The following TH variants were observed in gnomAD, a reference collection of about 807,000 sequenced individuals.
TH encodes the protein tyrosine 3-monooxygenase.
In TH, 49 loss-of-function variants were observed where a neutral mutation model predicts 57.4. The observed-to-expected ratio is 0.85, with a 90% CI of 0.68 to 1.08. The LOEUF (loss-of-function observed/expected upper bound fraction) is 1.08, where lower values mean the gene tolerates loss of function less well. Among genes scored for constraint, TH ranks in the 50% least tolerant of loss-of-function variants. The pLI is 0.00. For missense variants in TH, 720 were observed against 696.7 expected (o/e 1.03, Z -0.38); for synonymous variants, 330 against 304.5 (o/e 1.08, Z -0.87).
Position 2,171,458 on chromosome 11 carries a change from C to T in TH, c.90+239G>A, listed in dbSNP as rs147752591. 7.2e-5 allele frequency among the ~76,000 whole-genome samples: 11 copies of T among 152,090 alleles called. No individual in the cohort carries two copies. Among genetic ancestry groups the T allele is most frequent in the African/African-American group, 1.2e-4 (5 of 41,484 alleles). On this transcript the variant is annotated intron_variant, in intron 1 of 12. Transcript: ENST00000352909. This position sits in a 1 kb window ranked among gnomAD's most constrained non-coding sequence, Gnocchi z 8.6. ...GACCCACACGACCCCCGAGAGAGGT[C>T]GGCCTAAGAGGGGCACACACAGGGA...
Position 2,171,257 on chromosome 11 carries a change from C to T in TH, c.90+440G>A, listed in dbSNP as rs1183063784. Among the ~76,000 whole-genome samples the T allele has an allele frequency of 1.3e-5, 2 of 151,862 alleles. No homozygotes were observed. The highest frequency in any genetic ancestry group is 2.9e-5 in the Non-Finnish European group (2 of 67,928). ...AGGGCCTTGGGGCTGCCTCCCCAAG[C>T]AGGCAGGCTGGTTGGGGTGCTGACT... On this transcript the variant is annotated intron_variant, in intron 1 of 12. Transcript: ENST00000352909. The surrounding 1 kb of genome is among the most constrained non-coding windows in gnomAD (Gnocchi z 8.6).
intron 11 of TH, 31 bp from the exon 12 acceptor site, chr11:2,165,396 C>T (rs1406147026): frequency 1.9e-6 from 3 of 1,605,166 alleles, no homozygotes; most frequent in South Asian, 1.1e-5. Context: ...TCACTGACTC[C>T]ACTGCACCCA....
chr11:2,165,501 G>A (rs1330837990), intron 11 of TH, 136 bp from the exon 12 acceptor site: 16 of 1,419,140 alleles, frequency 1.1e-5, no homozygotes, highest in Admixed American at 1.1e-4. Flanking sequence ...TCGGAGGCCT[G>A]GGATAATGTG....
chr11:2,167,372 G>A (rs976664681), intron 6 of TH, 63 bp downstream of exon 6: 12 of 1,531,908 alleles, frequency 7.8e-6, no homozygotes, highest in African/African-American at 1.4e-5. Context: ...GCCCTCACAC[G>A]CCAGGATTCC....
At position 2,170,582 on chromosome 11, in the gene TH, G is replaced by A; in HGVS notation, c.91-711C>T. ...TCCCTTGGAGCTGAACTCCCAAGAA[G>A]GCTCTGGGCCCCTTGTAAGAGAAGA... On this transcript the variant is annotated intron_variant, in intron 1 of 12. Transcript: ENST00000352909. This position sits in a 1 kb window ranked among gnomAD's most constrained non-coding sequence, Gnocchi z 6.0. The A allele has an allele frequency of 9.9e-7, 1 of 1,009,884 alleles. No individual in the cohort carries two copies. The highest frequency in any genetic ancestry group is 1.5e-6 in the Non-Finnish European group (1 of 657,614). 62.6% of individuals were successfully genotyped at this position (1,009,884 alleles called of 1,614,324 possible). A position where few individuals can be genotyped will look rare whatever the true frequency, so the allele number is the denominator to read the frequency against.
chr11:2,164,251 C>A lies in TH; in HGVS notation c.1476G>T (p.Ala492=), dbSNP rs146945950. 3 of 1,482,218 alleles carry A rather than the reference C, an allele frequency of 2.0e-6. No individual in the cohort carries two copies. The highest frequency in any genetic ancestry group is 2.8e-5 in the South Asian group (2 of 71,522). 91.8% of individuals were successfully genotyped at this position (1,482,218 alleles called of 1,614,324 possible). The stretch of plus-strand genomic sequence containing the variant: ...CGTGCACCTAGCCAATGGCACTCAG[C>A]GCATGGGCAAGGGTGTCCAGCTCAT... ...VQDELDTLAH[A]LSAIG Residue 492 remains alanine, a synonymous_variant, in exon 13 of 13, where the codon GCG becomes GCT. Coordinates refer to ENST00000352909, the MANE Select transcript of TH (RefSeq NM_000360.4).
At chr11:2,166,606 G>A (rs1365853206) in intron 8 of TH, 27 bp downstream of exon 8, 1 of 1,583,232 alleles carries the variant, frequency 6.3e-7, no homozygotes, top group Non-Finnish European at 8.6e-7. Context: ...CCCCACCCTC[G>A]GGCTGGCGGC....
At position 2,166,650 on chromosome 11, in the gene TH, G is replaced by A. The variant is rs1846099712; in HGVS notation, c.960C>T (p.Pro320=). ...GCACTCACGGCTCAGGGGAGTGCAT[G>A]GGCGAGGACGCGTGGCGGATATACT... is the stretch of plus-strand genomic sequence containing the variant. ...CTQYIRHASS[P]MHSPEPDCCH... Residue 320 remains proline (P), a synonymous_variant, in exon 8 of 13, where the codon CCC becomes CCT. Coordinates refer to ENST00000352909, the MANE Select transcript of TH (RefSeq NM_000360.4). The A allele has an allele frequency of 6.3e-7, 1 of 1,576,984 alleles. No individual in the cohort carries two copies. The highest frequency in any genetic ancestry group is 8.6e-7 in the Non-Finnish European group (1 of 1,162,440).
rs894882332 is a variant in TH, at chr11:2,165,489, C to T, written c.1201-124G>A. ...GTCACCCCCATCTCCCCCGCCGGGC[C>T]TTCGGAGGCCTGGGATAATGTGGGG... On this transcript the variant is annotated intron_variant, in intron 11 of 12. Coordinates refer to ENST00000352909, the MANE Select transcript of TH (RefSeq NM_000360.4). The T allele has an allele frequency of 5.4e-6, 8 of 1,475,500 alleles. No homozygotes were observed. The Admixed American group carries it at 7.0e-5, about 13-fold the overall frequency. The allele number at this position is 1,475,500 out of a possible 1,614,324, so 91.4% of individuals were successfully genotyped here. A position where few individuals can be genotyped will look rare whatever the true frequency, so the allele number is the denominator to read the frequency against.
intron 10 of TH, 73 bp downstream of exon 10, chr11:2,165,929 C>G: frequency 6.6e-7 from 1 of 1,524,138 alleles, no homozygotes; most frequent in Non-Finnish European, 8.9e-7. Flanking sequence ...TCAGCCTGGA[C>G]GGCAAGAGGG....
chr11:2,168,294 G>A, intron 3 of TH, 115 bp from the exon 4 acceptor site: 1 of 1,382,888 alleles, frequency 7.2e-7, no homozygotes, highest in Non-Finnish European at 1.0e-6. Context: ...AGCCGGGGCT[G>A]TGAGAGCTGC....
chr11:2,166,143 T>A, intron 9 of TH, 85 bp from the exon 10 acceptor site: 1 of 1,425,284 alleles, frequency 7.0e-7, no homozygotes. Context: ...CAGCAGCCCC[T>A]CCAGGGGTCT....
Position 2,167,410 on chromosome 11 carries a change from G to A in TH, c.695+25C>T, listed in dbSNP as rs200844034. ...GAGGCATCCCCCGGGCTCCTCCCCA[G>A]CCCCTAGCTGCACGGAGGTCTCACC... On this transcript the variant is annotated intron_variant, in intron 6 of 12. Transcript: ENST00000352909. 46 of 1,555,094 alleles carry A rather than the reference G, an allele frequency of 3.0e-5. No homozygotes were observed. The African/African-American group carries it at 5.4e-4, about 18-fold the overall frequency.
At chr11:2,166,105 A>G in intron 9 of TH, 47 bp from the exon 10 acceptor site, 4 of 1,545,596 alleles carry the variant, frequency 2.6e-6, no homozygotes, top group Non-Finnish European at 3.5e-6. Flanking sequence ...GCCCTGGGTC[A>G]TGCTCGAGGT....
intron 3 of TH, 142 bp from the exon 4 acceptor site, chr11:2,168,321 G>A: frequency 7.5e-7 from 1 of 1,336,834 alleles, no homozygotes; most frequent in Non-Finnish European, 1.1e-6. Flanking sequence ...ATCCTGGAGT[G>A]GCCCCAGGCC....
At chr11:2,167,814 C>T (rs1846140432) in intron 5 of TH, 52 bp downstream of exon 5, 1 of 1,553,764 alleles carries the variant, frequency 6.4e-7, no homozygotes, top group Non-Finnish European at 8.7e-7. Context: ...CCCCCAGGTC[C>T]AGCGTCAGCC....
At position 2,169,643 on chromosome 11, in the gene TH, A is replaced by G; in HGVS notation, c.312+7T>C. On this transcript the variant is annotated splice_region_variant and intron_variant, in intron 2 of 12. Transcript: ENST00000352909. Reference sequence around the variant, plus strand: ...TTGCCCCAGGGACACGAAGGCCACCAGCTCACCTCAAACACCTTCACAGCT... The same window carrying G: ...TTGCCCCAGGGACACGAAGGCCACCGGCTCACCTCAAACACCTTCACAGCT... The G allele has an allele frequency of 1.9e-6, 3 of 1,613,356 alleles. No individual in the cohort carries two copies. The highest frequency in any genetic ancestry group is 2.5e-6 in the Non-Finnish European group (3 of 1,179,854).
At position 2,168,589 on chromosome 11, in the gene TH, T is replaced by A; in HGVS notation, c.389A>T (p.Tyr130Phe). 4 of 1,611,896 alleles carry A rather than the reference T, an allele frequency of 2.5e-6. No individual in the cohort carries two copies. The highest frequency in any genetic ancestry group is 3.4e-6 in the Non-Finnish European group (4 of 1,179,716). ...RPRAGGPHLE[Y>F]FVRLEVRRGD... The stretch of plus-strand genomic sequence containing the variant: ...TCGGCGCACCTCGAGGCGCACGAAG[T>A]ACTCCAGGTGGGGGCCCCCAGCTCG... The change falls in exon 3 of 13, where the codon TAC becomes TTC. Residue 130 changes from tyrosine to phenylalanine, a missense_variant. Tyr to Phe is a conservative substitution (Grantham distance 22). Coordinates refer to ENST00000352909, the MANE Select transcript of TH (RefSeq NM_000360.4).
intron 8 of TH, 28 bp downstream of exon 8, chr11:2,166,605 C>G: frequency 6.3e-7 from 1 of 1,582,902 alleles, no homozygotes. Flanking sequence ...CCCCCACCCT[C>G]GGGCTGGCGG....
Sources: allele counts gnomAD v4.1 joint callset (sites outside exome capture counted in the v4.1 genomes callset), GRCh38; gene constraint gnomAD v4.1.1; non-coding constraint Gnocchi (gnomAD v3.1); transcripts MANE v1.5; gene names NCBI Gene and HGNC (gene_info 2026-07-23, HGNC 2026-07-21).